TPTE: variants seen among roughly 807,000 people sequenced by gnomAD.
TPTE encodes transmembrane phosphatase with tensin homology, also known as putative tyrosine-protein phosphatase TPTE.
A neutral mutation model predicts 84.1 loss-of-function variants in TPTE; 59 were observed. That is an observed-to-expected ratio of 0.70 (90% CI 0.57 to 0.87). The LOEUF (loss-of-function observed/expected upper bound fraction) is 0.87. Ranked by LOEUF, TPTE falls within the 40% of genes least tolerant of loss-of-function variation. The pLI is 0.00. For missense variants in TPTE, 382 were observed against 659.6 expected (o/e 0.58, Z 4.61); for synonymous variants, 130 against 223.5 (o/e 0.58, Z 3.73).
rs1308659635 is a variant in TPTE, at chr21:10,561,869, C to A, written c.446+678C>A. Among the ~76,000 whole-genome samples the A allele has an allele frequency of 2.6e-5, 4 of 152,308 alleles. No individual in the cohort carries two copies. The East Asian group carries it at 7.7e-4, about 29-fold the overall frequency. On this transcript the variant is annotated intron_variant, in intron 10 of 23. Transcript: ENST00000618007. Reference sequence around the variant, plus strand: ...TTTTTACGATGTGATGACTGTAGAGCCCCAGGGCCTTCAGTAAACTCCTGC... The same window carrying A: ...TTTTTACGATGTGATGACTGTAGAGACCCAGGGCCTTCAGTAAACTCCTGC...
intron 20 of TPTE, among the ~76,000 whole-genome samples, chr21:10,596,863 A>G (rs1487643279): frequency 1.3e-5 from 2 of 152,308 alleles, no homozygotes; most frequent in Admixed American, 1.3e-4. Context: ...TCTGGTAGAC[A>G]TCAATAGAAA....
intron 8 of TPTE, among the ~76,000 whole-genome samples, chr21:10,554,580 A>T (rs1373140057): frequency 5.3e-5 from 8 of 152,308 alleles, no homozygotes; most frequent in African/African-American, 1.7e-4. Context: ...TCCTTTTTCT[A>T]TTTTATGTAA....
intron 8 of TPTE, among the ~76,000 whole-genome samples, chr21:10,553,060 G>C (rs540619077): frequency 9.2e-5 from 14 of 152,286 alleles, no homozygotes; most frequent in Non-Finnish European, 1.9e-4. Context: ...TACTAGATAT[G>C]GTGTGATTCC....
At chr21:10,529,245 A>C (rs1398452794) in intron 3 of TPTE, among the ~76,000 whole-genome samples, 4 of 152,420 alleles carry the variant, frequency 2.6e-5, no homozygotes, top group African/African-American at 9.6e-5. Flanking sequence ...GCAGATTTGA[A>C]GTTTACTAAG....
At chr21:10,565,804 A>G (rs897957631) in intron 10 of TPTE, among the ~76,000 whole-genome samples, 1 of 152,312 alleles carries the variant, frequency 6.6e-6, no homozygotes, top group African/African-American at 2.4e-5. Context: ...GGATATACAC[A>G]TACAGAAGAA....
At chr21:10,529,422 G>A (rs543367531) in intron 3 of TPTE, among the ~76,000 whole-genome samples, 2,023 of 151,500 alleles carry the variant, frequency 0.013, no homozygotes, top group African/African-American at 0.046. Flanking sequence ...TTTTTGAAAT[G>A]TGAGAGGGGT....
At chr21:10,543,062 G>A (rs1330978867) in intron 6 of TPTE, among the ~76,000 whole-genome samples, 6 of 103,806 alleles carry the variant, frequency 5.8e-5, no homozygotes, top group East Asian at 3.2e-4. Context: ...TCGCTCTGTC[G>A]CCCAGGCCGG....
chr21:10,589,785 T>C (rs2075432293), intron 17 of TPTE, among the ~76,000 whole-genome samples: 1 of 152,312 alleles, frequency 6.6e-6, no homozygotes, highest in African/African-American at 2.4e-5. Flanking sequence ...CTTGCCTGCA[T>C]TGTCCTCCCC....
intron 7 of TPTE, 59 bp from the exon 8 acceptor site, chr21:10,552,598 A>C (rs2074597976): frequency 4.3e-6 from 7 of 1,611,216 alleles, no homozygotes; most frequent in Non-Finnish European, 5.9e-6. Context: ...ATTTTTCATC[A>C]CTATTTTGTG....
intron 19 of TPTE, among the ~76,000 whole-genome samples, chr21:10,594,482 G>C (rs1365180818): frequency 6.6e-6 from 1 of 152,312 alleles, no homozygotes; most frequent in African/African-American, 2.4e-5. Context: ...CCTATGTGTT[G>C]GTTGTATTAA....
chr21:10,548,579 T>C (rs2074515116), intron 7 of TPTE, among the ~76,000 whole-genome samples: 1 of 152,300 alleles, frequency 6.6e-6, no homozygotes, highest in Non-Finnish European at 1.5e-5. Context: ...CTCTATGGAC[T>C]ACCCCCAGCA....
chr21:10,597,313 A>G (rs1214708264), intron 20 of TPTE, among the ~76,000 whole-genome samples: 1 of 152,310 alleles, frequency 6.6e-6, no homozygotes, highest in Admixed American at 6.5e-5. Context: ...GACAGTATTT[A>G]TTATTAAGAA....
At chr21:10,560,865 T>G (rs1368791825) in intron 9 of TPTE, among the ~76,000 whole-genome samples, 165 bp from the exon 10 acceptor site, 1 of 152,312 alleles carries the variant, frequency 6.6e-6, no homozygotes, top group African/African-American at 2.4e-5. Flanking sequence ...ACAGTGATTT[T>G]TCTGAGATTC....
intron 3 of TPTE, among the ~76,000 whole-genome samples, chr21:10,530,574 C>T (rs1025412123): frequency 3.9e-5 from 6 of 152,306 alleles, no homozygotes. Context: ...TAGTGAGGAA[C>T]ACATATATTG....
intron 3 of TPTE, among the ~76,000 whole-genome samples, chr21:10,536,328 T>C (rs1234283676): frequency 6.6e-6 from 1 of 152,304 alleles, no homozygotes; most frequent in Non-Finnish European, 1.5e-5. Flanking sequence ...AATATTTAAA[T>C]GTCAACCAGA....
At chr21:10,557,339 T>G (rs562104538) in intron 8 of TPTE, among the ~76,000 whole-genome samples, 14 of 152,418 alleles carry the variant, frequency 9.2e-5, no homozygotes, top group African/African-American at 3.1e-4. Context: ...ACTCTTTTTT[T>G]AAGCAAAAAA....
chr21:10,579,700 T>A (rs2075236999), intron 17 of TPTE, among the ~76,000 whole-genome samples: 1 of 152,312 alleles, frequency 6.6e-6, no homozygotes, highest in South Asian at 2.1e-4. Flanking sequence ...GTCCATATTA[T>A]CTCGAGTGAC....
intron 3 of TPTE, among the ~76,000 whole-genome samples, chr21:10,533,355 T>A (rs1224984697): frequency 1.3e-5 from 2 of 152,312 alleles, no homozygotes; most frequent in East Asian, 1.9e-4. Flanking sequence ...TGTCCTCTTA[T>A]CCTTAAGAAT....
At chr21:10,542,484 A>G in intron 6 of TPTE, 36 bp downstream of exon 6, 1 of 1,606,214 alleles carries the variant, frequency 6.2e-7, no homozygotes, top group South Asian at 1.1e-5. Flanking sequence ...CCGTCAGCAT[A>G]AGTGTGCATA....
Sources: gnomAD v4.1 joint callset for allele counts (sites outside exome capture counted in the v4.1 genomes callset) on GRCh38, gnomAD v4.1.1 for gene constraint, MANE v1.5 for transcripts, NCBI Gene and HGNC (gene_info 2026-07-23, HGNC 2026-07-21) for gene names.